The following IFIH1 variants were observed in gnomAD, a reference collection of about 807,000 sequenced individuals.
The protein encoded by IFIH1 is interferon induced with helicase C domain 1.
In IFIH1, 125 loss-of-function variants were observed where a neutral mutation model predicts 107.4. The observed-to-expected ratio is 1.16, with a 90% confidence interval of 1.01 to 1.35. The LOEUF (loss-of-function observed/expected upper bound fraction) is 1.35. Ranked by LOEUF, IFIH1 falls within the 40% of genes most tolerant of loss-of-function variation. The probability of loss-of-function intolerance (pLI) is 0.00; values close to 1 mark genes in which losing one functional copy is unlikely to be tolerated. For missense variants in IFIH1, 1,333 were observed against 1,213.7 expected (o/e 1.10, Z -1.46); for synonymous variants, 458 against 413.2 (o/e 1.11, Z -1.31).
Position 162,277,553 on chromosome 2 carries a change from T to G in IFIH1, c.1906A>C (p.Lys636Gln). Residue 636 changes from lysine to glutamine, a missense_variant, in exon 10 of 16, where the codon AAG becomes CAG. Coordinates refer to ENST00000649979, the MANE Select transcript of IFIH1 (RefSeq NM_022168.4). ...TCATCTTCTATGACTGCAAACTTCTTATCTTTCTCTTCATTATAGAAAGTT... is the reference window on the plus strand; with the variant it reads ...TCATCTTCTATGACTGCAAACTTCTGATCTTTCTCTTCATTATAGAAAGTT... Reference protein sequence around the residue: ...LETFYNEEKDKKFAVIEDDSD... With the variant: ...LETFYNEEKDQKFAVIEDDSD... 1 of 1,602,062 alleles carries G rather than the reference T, an allele frequency of 6.2e-7. No homozygotes were observed. The highest frequency in any genetic ancestry group is 8.6e-7 in the Non-Finnish European group (1 of 1,169,200).
At chr2:162,281,574 C>G in intron 6 of IFIH1, 29 bp from the exon 7 acceptor site, 1 of 1,496,928 alleles carries the variant, frequency 6.7e-7, no homozygotes, top group South Asian at 1.2e-5. Context: ...GAGTTCATTT[C>G]TCCATATCAG....
At chr2:162,314,417 TTTC>T (rs1683442217) in intron 1 of IFIH1, among the ~76,000 whole-genome samples, 1 of 28,128 alleles carries the variant, frequency 3.6e-5, no homozygotes, top group Non-Finnish European at 6.5e-5. Flanking sequence ...CTTTCTTTCT[TTTC>T]TTTCTTTCTT....
At chr2:162,314,835 T>A (rs545228635) in intron 1 of IFIH1, among the ~76,000 whole-genome samples, 14 of 152,220 alleles carry the variant, frequency 9.2e-5, no homozygotes, top group African/African-American at 2.9e-4. Flanking sequence ...ACAACACAAC[T>A]TCACGAAAGG....
chr2:162,272,266 T>A lies in IFIH1; in HGVS notation c.2576A>T (p.His859Leu). Reference protein sequence around the residue: ...FREKMMYKAIHCVQNMKPEEY... With the variant: ...FREKMMYKAILCVQNMKPEEY... ...CTCTGGTTTCATATTTTGAACACAA[T>A]GTATAGCTTTATACATCATCTTCTC... is the stretch of plus-strand genomic sequence containing the variant. The change falls in exon 13 of 16, where the codon CAT becomes CTT. Residue 859 changes from histidine to leucine, a missense_variant. By Grantham distance (99) the His-to-Leu change is moderately conservative. Coordinates refer to ENST00000649979, the MANE Select transcript of IFIH1 (RefSeq NM_022168.4). The A allele has an allele frequency of 1.9e-6, 3 of 1,612,788 alleles. No individual in the cohort carries two copies. The highest frequency in any genetic ancestry group is 2.5e-6 in the Non-Finnish European group (3 of 1,179,292).
chr2:162,304,970 C>A (rs1353721189), intron 3 of IFIH1, among the ~76,000 whole-genome samples: 1 of 152,088 alleles, frequency 6.6e-6, no homozygotes, highest in African/African-American at 2.4e-5. Context: ...AAAAAGCAAA[C>A]TGTGACATAA....
At chr2:162,312,077 C>T (rs531208925) in intron 1 of IFIH1, among the ~76,000 whole-genome samples, 3 of 152,232 alleles carry the variant, frequency 2.0e-5, no homozygotes, top group Middle Eastern at 3.4e-3. Flanking sequence ...GCCAATCTTC[C>T]ACATGTATCA....
Position 162,293,492 on chromosome 2 carries a change from C to G in IFIH1, c.874+72G>C, listed in dbSNP as rs1284883783. 3 of 872,588 alleles carry G rather than the reference C, an allele frequency of 3.4e-6. No homozygotes were observed. The Admixed American group carries it at 6.3e-5, about 18-fold the overall frequency. The allele number at this position is 872,588 out of a possible 1,614,324, so 54.1% of individuals were successfully genotyped here. ...ATAAATACATTAGGGAGGGTATGAACAGCCCCCATGCTTCCACTATATGGC... is the reference window on the plus strand; with the variant it reads ...ATAAATACATTAGGGAGGGTATGAAGAGCCCCCATGCTTCCACTATATGGC... On this transcript the variant is annotated intron_variant, in intron 4 of 15. Transcript: ENST00000649979.
chr2:162,306,570 C>T, intron 3 of IFIH1, 139 bp downstream of exon 3: 2 of 546,964 alleles, frequency 3.7e-6, no homozygotes, highest in East Asian at 6.1e-5. Context: ...AATTTAATCT[C>T]CTCTAAAAAT....
At chr2:162,268,795 G>T (rs1460517271) in intron 13 of IFIH1, among the ~76,000 whole-genome samples, 2 of 151,982 alleles carry the variant, frequency 1.3e-5, no homozygotes, top group African/African-American at 4.8e-5. Context: ...TTGCCATGTT[G>T]CCCAGGCTGA....
At chr2:162,287,969 T>C (rs563469806) in intron 5 of IFIH1, among the ~76,000 whole-genome samples, 166 bp downstream of exon 5, 13 of 152,120 alleles carry the variant, frequency 8.5e-5, no homozygotes, top group African/African-American at 3.1e-4. Context: ...ATCACTTAGA[T>C]ATTACATATA....
rs192097539 is a variant in IFIH1 at position 162,317,376 on chromosome 2, A to G, written c.453+479T>C. Among the ~76,000 whole-genome samples the G allele has an allele frequency of 5.9e-4, 90 of 152,348 alleles. 1 individual carries two copies. Among genetic ancestry groups the G allele is most frequent in the Middle Eastern group, 3.4e-3 (1 of 294 alleles). On this transcript the variant is annotated intron_variant, in intron 1 of 15. Transcript: ENST00000649979. Reference sequence around the variant, plus strand: ...GCCGTAGTTTACTAACCCCTGCTCCATGGAACTACATTAAATAAGAAAAAC... The same window carrying G: ...GCCGTAGTTTACTAACCCCTGCTCCGTGGAACTACATTAAATAAGAAAAAC...
chr2:162,317,742 G>A, intron 1 of IFIH1, 113 bp downstream of exon 1: 1 of 808,664 alleles, frequency 1.2e-6, no homozygotes, highest in Non-Finnish European at 2.0e-6. Flanking sequence ...CTCAAAGGAA[G>A]AAACTAGATT....
chr2:162,292,121 T>C (rs577996453), intron 4 of IFIH1, among the ~76,000 whole-genome samples: 2 of 151,940 alleles, frequency 1.3e-5, no homozygotes, highest in Non-Finnish European at 1.5e-5. Context: ...ATTGAATGAA[T>C]GGATATTATT....
Position 162,278,330 on chromosome 2 carries a change from TA to T in IFIH1, c.1642-3del. 1 of 1,299,356 alleles carries T rather than the reference TA, an allele frequency of 7.7e-7. No individual in the cohort carries two copies. The highest frequency in any genetic ancestry group is 1.1e-6 in the Non-Finnish European group (1 of 914,286). 80.5% of individuals were successfully genotyped at this position (1,299,356 alleles called of 1,614,324 possible). On this transcript the variant is annotated splice_region_variant and splice_polypyrimidine_tract_variant and intron_variant, in intron 8 of 15. Coordinates refer to ENST00000649979, the MANE Select transcript of IFIH1 (RefSeq NM_022168.4). ...TAGAAGTTTCTCTTTAAATGGATCC[TA>T]AAAATAAAGTACACACTTATTCTTA...
intron 3 of IFIH1, among the ~76,000 whole-genome samples, chr2:162,297,267 A>G (rs1683107813): frequency 2.0e-5 from 3 of 152,112 alleles, no homozygotes; most frequent in Non-Finnish European, 2.9e-5. Context: ...ATTTAGGTTT[A>G]TCTTGTTTTG....
chr2:162,295,182 C>T (rs2105215980), intron 3 of IFIH1, among the ~76,000 whole-genome samples: 2 of 152,136 alleles, frequency 1.3e-5, no homozygotes, highest in South Asian at 4.1e-4. Context: ...TAGTAAATCC[C>T]TCTGGTTATC....
chr2:162,281,516 G>T lies in IFIH1; in HGVS notation c.1336C>A (p.His446Asn). 1 of 1,610,736 alleles carries T rather than the reference G, an allele frequency of 6.2e-7. No homozygotes were observed. Among genetic ancestry groups the T allele is most frequent in the South Asian group, 1.1e-5 (1 of 90,908 alleles). The change falls in exon 7 of 16, where the codon CAT (histidine) becomes AAT (asparagine). Residue 446 changes from histidine to asparagine, a missense_variant. Coordinates refer to ENST00000649979, the MANE Select transcript of IFIH1 (RefSeq NM_022168.4). ...DFSLIIIDECHHTNKEAVYNN... is the reference protein window; with the variant it reads ...DFSLIIIDECNHTNKEAVYNN... ...TACACTGCTTCTTTGTTGGTGTGAT[G>T]ACATTCATCAATGATAATGAGGGAA... is the stretch of plus-strand genomic sequence containing the variant.
intron 11 of IFIH1, among the ~76,000 whole-genome samples, chr2:162,274,831 T>C (rs574104448): frequency 7.9e-5 from 12 of 152,218 alleles, no homozygotes; most frequent in African/African-American, 2.6e-4. Context: ...ATTGCCCCCA[T>C]ACATTAAACA....
intron 3 of IFIH1, among the ~76,000 whole-genome samples, chr2:162,300,411 C>A (rs1018308580): frequency 5.3e-5 from 8 of 152,152 alleles, no homozygotes; most frequent in Non-Finnish European, 8.8e-5. Context: ...GGGGAGATTT[C>A]TTTCTGTCTT....
Sources: allele counts gnomAD v4.1 joint callset (sites outside exome capture counted in the v4.1 genomes callset), GRCh38; gene constraint gnomAD v4.1.1; transcripts MANE v1.5; gene names NCBI Gene and HGNC (gene_info 2026-07-23, HGNC 2026-07-21).